The following ATAD3A variants were observed in gnomAD, a reference collection of about 807,000 sequenced individuals.
ATAD3A encodes ATPase family AAA domain containing 3A, also known as ATPase family AAA domain-containing protein 3A.
Under a neutral mutation model 73.8 loss-of-function variants are expected in ATAD3A, and 46 were observed. The ratio of observed to expected loss-of-function variants is 0.62; its 90% CI spans 0.49 to 0.80. The LOEUF (loss-of-function observed/expected upper bound fraction) is 0.80, where lower values mean the gene tolerates loss of function less well. Among genes scored for constraint, ATAD3A ranks in the 30% least tolerant of loss-of-function variants. ATAD3A has a pLI of 0.00. For synonymous variants in ATAD3A, 319 were observed against 350.0 expected (o/e 0.91, Z 0.99); for missense variants, 705 against 838.0 (o/e 0.84, Z 1.96).
At chr1:1,518,837 C>T (rs138680043) in intron 4 of ATAD3A, 84 bp from the exon 5 acceptor site, 2 of 1,605,794 alleles carry the variant, frequency 1.2e-6, no homozygotes, top group South Asian at 1.1e-5. Context: ...CCCCCCTGCA[C>T]ACTCGGGCAC....
intron 11 of ATAD3A, 71 bp from the exon 12 acceptor site, chr1:1,525,169 C>G: frequency 6.2e-7 from 1 of 1,603,594 alleles, no homozygotes; most frequent in Non-Finnish European, 8.5e-7. Flanking sequence ...CTGCTCCTGC[C>G]GCGGCCGGAC....
intron 15 of ATAD3A, among the ~76,000 whole-genome samples, chr1:1,531,320 G>A (rs571904590): frequency 9.2e-5 from 14 of 152,040 alleles, no homozygotes; most frequent in African/African-American, 2.9e-4. Context: ...GTGTGGTGGC[G>A]CATGCCTGTA....
At chr1:1,528,419 G>A (rs35668713) in intron 14 of ATAD3A, among the ~76,000 whole-genome samples, 14 of 151,452 alleles carry the variant, frequency 9.2e-5, no homozygotes, top group African/African-American at 1.5e-4. Context: ...CCCCCGTGTC[G>A]GGACTGGAGG....
intron 15 of ATAD3A, among the ~76,000 whole-genome samples, chr1:1,533,344 T>C (rs1642099647): frequency 6.6e-6 from 1 of 152,202 alleles, no homozygotes; most frequent in Non-Finnish European, 1.5e-5. Flanking sequence ...ACCCGTTCAT[T>C]GCAGAAGGGC....
At chr1:1,527,221 G>T (rs1191836377) in intron 13 of ATAD3A, 1 of 1,301,564 alleles carries the variant, frequency 7.7e-7, no homozygotes, top group Admixed American at 2.3e-5. Context: ...TGACTCCTCA[G>T]GCACGTTGGG....
rs149447033 is a variant in ATAD3A, at chr1:1,524,347, C to T, written c.1164C>T (p.Gly388=). Residue 388 remains glycine, a synonymous_variant, in exon 11 of 16, where the codon GGC becomes GGT. Transcript: ENST00000378756. ...ACGTGGCCCCCATGGGGCGGGAAGG[C>T]GTGACCGCCATGCACAAGCTCTTTG... ...GGDVAPMGRE[G]VTAMHKLFDW... is the part of the protein sequence containing the mutation. 1.4e-5 allele frequency: 22 copies of T among 1,611,482 alleles called. No individual in the cohort carries two copies. The highest frequency in any genetic ancestry group is 8.0e-5 in the African/African-American group (6 of 74,554).
intron 1 of ATAD3A, among the ~76,000 whole-genome samples, chr1:1,514,367 G>A (rs1483309507): frequency 2.0e-5 from 3 of 152,240 alleles, no homozygotes; most frequent in Admixed American, 2.0e-4. Context: ...CACACCCTCA[G>A]TCCCCTCGGG....
At chr1:1,527,643 G>C in intron 13 of ATAD3A, 52 bp from the exon 14 acceptor site, 1 of 1,566,642 alleles carries the variant, frequency 6.4e-7, no homozygotes, top group African/African-American at 1.4e-5. Flanking sequence ...GTTCCCCTTG[G>C]TGCAGCTCGG....
intron 10 of ATAD3A, 41 bp from the exon 11 acceptor site, chr1:1,524,232 A>C: frequency 1.2e-6 from 2 of 1,613,634 alleles, no homozygotes; most frequent in Non-Finnish European, 1.7e-6. Flanking sequence ...GCAGAGGCGG[A>C]GGGAACATCT....
chr1:1,515,682 G>C (rs747801849), intron 1 of ATAD3A, among the ~76,000 whole-genome samples: 1 of 152,024 alleles, frequency 6.6e-6, no homozygotes, highest in African/African-American at 2.4e-5. Context: ...CGAATGTAAC[G>C]TGAAAAAATA....
chr1:1,523,235 G>A lies in ATAD3A; in HGVS notation c.907-276G>A, dbSNP rs1384358529. ...CGGCGTCTGGTGGCCTCCCTGGGGAGCCGCGCCGCTCGCCGCCCCCGAGGT... is the reference window on the plus strand; with the variant it reads ...CGGCGTCTGGTGGCCTCCCTGGGGAACCGCGCCGCTCGCCGCCCCCGAGGT... On this transcript the variant is annotated intron_variant, in intron 8 of 15. Coordinates refer to ENST00000378756, the MANE Select transcript of ATAD3A (RefSeq NM_001170535.3). The surrounding 1 kb of genome is among the most constrained non-coding windows in gnomAD (Gnocchi z 5.1). Among the ~76,000 whole-genome samples the A allele has an allele frequency of 6.6e-6, 1 of 152,038 alleles. No homozygotes were observed. Among genetic ancestry groups the A allele is most frequent in the Admixed American group, 6.6e-5 (1 of 15,262 alleles).
intron 7 of ATAD3A, among the ~76,000 whole-genome samples, chr1:1,521,188 A>G (rs1034131289): frequency 1.3e-5 from 2 of 150,086 alleles, no homozygotes; most frequent in African/African-American, 4.9e-5. Context: ...AGTCCCAGCT[A>G]CTCAAGAGGC....
chr1:1,531,278 C>G (rs111404397), intron 15 of ATAD3A, among the ~76,000 whole-genome samples: 6 of 152,154 alleles, frequency 3.9e-5, no homozygotes, highest in African/African-American at 1.4e-4. Flanking sequence ...TGGTGAAACC[C>G]CATCTCTACT....
intron 4 of ATAD3A, among the ~76,000 whole-genome samples, chr1:1,518,484 GCA>G (rs1176426652): frequency 2.0e-4 from 11 of 55,034 alleles, no homozygotes; most frequent in African/African-American, 8.4e-4. Context: ...CAGCCCCCCC[GCA>G]CACATGGGCA....
rs1282572122 is a variant in ATAD3A, at chr1:1,527,711, G to A, written c.1354G>A (p.Ala452Thr). 2 of 1,612,630 alleles carry A rather than the reference G, an allele frequency of 1.2e-6. No individual in the cohort carries two copies. The highest frequency in any genetic ancestry group is 1.7e-6 in the Non-Finnish European group (2 of 1,179,318). The change falls in exon 14 of 16, where the codon GCC (alanine) becomes ACC (threonine). Residue 452 changes from alanine to threonine, a missense_variant. This residue lies in a region of ATAD3A where 252 missense variants were observed against 278.5 expected (regional missense o/e 0.90). Coordinates refer to ENST00000378756, the MANE Select transcript of ATAD3A (RefSeq NM_001170535.3). Reference sequence around the variant, plus strand: ...GCCCCGCAGGTTCATGCTGGTCCTGGCCAGCAACCAACCAGAGCAGTTCGA... The same window carrying A: ...GCCCCGCAGGTTCATGCTGGTCCTGACCAGCAACCAACCAGAGCAGTTCGA... Reference protein sequence around the residue: ...QHSNKFMLVLASNQPEQFDWA... With the variant: ...QHSNKFMLVLTSNQPEQFDWA...
chr1:1,521,315 A>AG (rs1557465279), intron 7 of ATAD3A, among the ~76,000 whole-genome samples: 1 of 150,716 alleles, frequency 6.6e-6, no homozygotes, highest in Non-Finnish European at 1.5e-5. Flanking sequence ...AAAAAAAAAA[A>AG]AAAAAAAAAA....
Position 1,523,815 on chromosome 1 carries a change from C to T in ATAD3A, c.964-24C>T, listed in dbSNP as rs759853676. On this transcript the variant is annotated intron_variant, in intron 9 of 15. Transcript: ENST00000378756. The surrounding 1 kb of genome is among the most constrained non-coding windows in gnomAD (Gnocchi z 5.1). ...CTTCCATGGGTGCACAGTGTCTCCT[C>T]CAAACCCCCGTCTTCCCCGGCAGCC... 1 of 1,613,792 alleles carries T rather than the reference C, an allele frequency of 6.2e-7. No individual in the cohort carries two copies. Among genetic ancestry groups the T allele is most frequent in the Non-Finnish European group, 8.5e-7 (1 of 1,179,992 alleles).
intron 12 of ATAD3A, among the ~76,000 whole-genome samples, chr1:1,525,703 C>T (rs200968681): frequency 7.9e-5 from 12 of 152,096 alleles, no homozygotes; most frequent in Middle Eastern, 3.2e-3. Context: ...CGTGAGCCAC[C>T]ACGCCCAGCC....
chr1:1,518,795 G>C lies in ATAD3A; in HGVS notation c.445-126G>C, dbSNP rs530664059. 1.0e-4 allele frequency: 164 copies of C among 1,565,202 alleles called. 1 individual carries two copies. The East Asian group carries it at 3.6e-3, about 34-fold the overall frequency. On this transcript the variant is annotated intron_variant, in intron 4 of 15. Transcript: ENST00000378756. The stretch of plus-strand genomic sequence containing the variant: ...GGGCACCGTCACCCCCCGCAAACGG[G>C]CACCGTCACACCCCGCAAACGGGCA...
Sources: allele counts gnomAD v4.1 joint callset (sites outside exome capture counted in the v4.1 genomes callset), GRCh38; gene constraint gnomAD v4.1.1; regional missense constraint gnomAD v4.1.1; non-coding constraint Gnocchi (gnomAD v3.1); transcripts MANE v1.5; gene names NCBI Gene and HGNC (gene_info 2026-07-23, HGNC 2026-07-21).